Variants in SEPTIN10 observed in about 807,000 individuals in gnomAD.
SEPTIN10 encodes the protein septin-10.
In SEPTIN10, 66 loss-of-function variants were observed where a neutral mutation model predicts 54.8. The ratio of observed to expected loss-of-function variants is 1.21; its 90% CI spans 0.99 to 1.48. The LOEUF is 1.48. SEPTIN10 is among the 40% of genes most tolerant of loss of function. SEPTIN10 has a pLI of 0.00. For missense variants in SEPTIN10, 620 were observed against 545.6 expected (o/e 1.14, Z -1.36); for synonymous variants, 161 against 181.0 (o/e 0.89, Z 0.89).
chr2:109,572,471 T>C (rs1186631458), intron 5 of SEPTIN10, among the ~76,000 whole-genome samples: 1 of 151,950 alleles, frequency 6.6e-6, no homozygotes, highest in Admixed American at 6.6e-5. Context: ...GAATCCAAGT[T>C]TGTCCAGGGC....
intron 4 of SEPTIN10, among the ~76,000 whole-genome samples, chr2:109,575,979 AG>A (rs926047898): frequency 1.2e-4 from 19 of 152,198 alleles, no homozygotes; most frequent in Admixed American, 3.9e-4. Flanking sequence ...AGCATAGGCC[AG>A]GCTCAGTGGC....
At chr2:109,548,954 A>C (rs1682114946) in intron 9 of SEPTIN10, among the ~76,000 whole-genome samples, 1 of 152,194 alleles carries the variant, frequency 6.6e-6, no homozygotes, top group South Asian at 2.1e-4. Context: ...AAGTATTCCA[A>C]GGGAAACAAG....
In SEPTIN10 at chr2:109,598,532, A is replaced by G. The variant is rs372378274; in HGVS notation, c.31-5413T>C. On this transcript the variant is annotated intron_variant, in intron 1 of 10. Coordinates refer to ENST00000397712, the MANE Select transcript of SEPTIN10 (RefSeq NM_144710.5). Reference sequence around the variant, plus strand: ...CGAGAGCGAGAGAGAACAAAAAGCAAAAAGTGGCCTAAATAATTATCATCG... The same window carrying G: ...CGAGAGCGAGAGAGAACAAAAAGCAGAAAGTGGCCTAAATAATTATCATCG... Among the ~76,000 whole-genome samples the G allele has an allele frequency of 1.2e-4, 18 of 152,266 alleles. No individual in the cohort carries two copies. The East Asian group carries it at 3.5e-3, about 29-fold the overall frequency.
At chr2:109,580,582 CA>C (rs780896574) in intron 4 of SEPTIN10, among the ~76,000 whole-genome samples, 4 of 152,034 alleles carry the variant, frequency 2.6e-5, no homozygotes, top group Non-Finnish European at 4.4e-5. Context: ...GACTATCCTA[CA>C]AAATACTGCA....
chr2:109,606,366 C>T lies in SEPTIN10; in HGVS notation c.30+7432G>A, dbSNP rs540648391. On this transcript the variant is annotated intron_variant, in intron 1 of 10. Coordinates refer to ENST00000397712, the MANE Select transcript of SEPTIN10 (RefSeq NM_144710.5). ...GGAGGCAGAGGTTGCAGTGAGCCAA[C>T]ACTGCACCACTGCATTCCAGTCTGG... 3.3e-5 allele frequency among the ~76,000 whole-genome samples: 5 copies of T among 152,254 alleles called. No individual in the cohort carries two copies. The East Asian group carries it at 9.7e-4, about 29-fold the overall frequency.
intron 8 of SEPTIN10, among the ~76,000 whole-genome samples, chr2:109,561,535 T>C (rs555784452): frequency 1.3e-5 from 2 of 152,342 alleles, no homozygotes; most frequent in South Asian, 4.1e-4. Context: ...CCCAGTATTA[T>C]TCACTGCTGA....
At chr2:109,555,673 C>A (rs1276833209) in intron 8 of SEPTIN10, among the ~76,000 whole-genome samples, 1 of 152,188 alleles carries the variant, frequency 6.6e-6, no homozygotes, top group African/African-American at 2.4e-5. Flanking sequence ...ACATCTGAAG[C>A]CTGTTAGCAA....
At chr2:109,596,444 C>T (rs975616445) in intron 1 of SEPTIN10, among the ~76,000 whole-genome samples, 23 of 151,936 alleles carry the variant, frequency 1.5e-4, no homozygotes, top group African/African-American at 1.2e-4. Flanking sequence ...AGTGAAACCC[C>T]GTCTCTACTA....
Position 109,585,300 on chromosome 2 carries a change from G to A in SEPTIN10, c.239C>T (p.Ser80Leu), listed in dbSNP as rs777555335. The change falls in exon 4 of 11, where the codon TCA (serine) becomes TTA (leucine). Residue 80 changes from serine to leucine, a missense_variant. Physicochemically the swap from Ser to Leu is moderately radical, Grantham distance 145 (BLOSUM62 -2). Transcript: ENST00000397712. Reference protein sequence around the residue: ...LCVGETGIGKSTLIDTLFNTN... With the variant: ...LCVGETGIGKLTLIDTLFNTN... ...ATTAAACAATGTGTCAATCAGTGTT[G>A]ATTTTCCAATTCCAGTTTCCCCTGA... The A allele has an allele frequency of 4.4e-6, 7 of 1,602,344 alleles. No individual in the cohort carries two copies. The highest frequency in any genetic ancestry group is 6.0e-6 in the Non-Finnish European group (7 of 1,175,606).
At chr2:109,613,024 T>C in intron 1 of SEPTIN10, 2 of 516,932 alleles carry the variant, frequency 3.9e-6, no homozygotes, top group East Asian at 6.8e-5. Flanking sequence ...AAACCACCAA[T>C]GTTTACTATC....
intron 8 of SEPTIN10, among the ~76,000 whole-genome samples, chr2:109,554,318 A>G (rs1683833492): frequency 6.6e-6 from 1 of 152,162 alleles, no homozygotes; most frequent in Non-Finnish European, 1.5e-5. Context: ...TTCACACCGC[A>G]TTGCTTATTG....
intron 8 of SEPTIN10, among the ~76,000 whole-genome samples, chr2:109,556,341 A>G (rs1684363459): frequency 6.6e-6 from 1 of 152,244 alleles, no homozygotes; most frequent in African/African-American, 2.4e-5. Flanking sequence ...TTATAAAAAT[A>G]AATCAATTTC....
chr2:109,608,431 T>G, intron 1 of SEPTIN10, among the ~76,000 whole-genome samples: 1 of 152,216 alleles, frequency 6.6e-6, no homozygotes, highest in East Asian at 1.9e-4. Context: ...CAGGATAAAC[T>G]TGATCTGATT....
chr2:109,603,519 G>A (rs1020375246), intron 1 of SEPTIN10, among the ~76,000 whole-genome samples: 3 of 151,994 alleles, frequency 2.0e-5, no homozygotes, highest in South Asian at 2.1e-4. Flanking sequence ...GATTACAGGC[G>A]TGCACCACCG....
chr2:109,612,986 T>A (rs1213123849), intron 1 of SEPTIN10: 1 of 450,830 alleles, frequency 2.2e-6, no homozygotes, highest in East Asian at 7.1e-5. Context: ...GTCTCCAGCC[T>A]CCAAAGAGCT....
intron 9 of SEPTIN10, among the ~76,000 whole-genome samples, chr2:109,547,378 T>C (rs1681547151): frequency 6.6e-6 from 1 of 151,770 alleles, no homozygotes. Context: ...TGTTTTTTTT[T>C]TTTTTTTTTG....
chr2:109,564,535 C>T lies in SEPTIN10; in HGVS notation c.860-1G>A. ...AAGTCACAGTGGTTTTCATTTTCCA[C>T]TAGCCAAAAAAAAATAAGAAAAGAA... is the stretch of plus-strand genomic sequence containing the variant. On this transcript the variant is annotated splice_acceptor_variant, in intron 7 of 10. Transcript: ENST00000397712. LOFTEE classifies it high-confidence loss of function. 2 of 1,493,702 alleles carry T rather than the reference C, an allele frequency of 1.3e-6. No individual in the cohort carries two copies. Among genetic ancestry groups the T allele is most frequent in the Non-Finnish European group, 1.8e-6 (2 of 1,112,454 alleles). 92.5% of individuals were successfully genotyped at this position (1,493,702 alleles called of 1,614,324 possible).
rs199690667 is a variant in SEPTIN10 at position 109,574,684 on chromosome 2, G to A, written c.497C>T (p.Thr166Ile). The change falls in exon 5 of 11, where the codon ACC becomes ATC. Residue 166 changes from threonine to isoleucine, a missense_variant. Coordinates refer to ENST00000397712, the MANE Select transcript of SEPTIN10 (RefSeq NM_144710.5). ...EELKIKRSLF[T>I]YHDSRIHVCL... The stretch of plus-strand genomic sequence containing the variant: ...CACATGGATGCGAGAATCATGGTAG[G>A]TAAAGAGAGAACGCTTAATCTTCAG... The A allele has an allele frequency of 1.8e-3, 2,826 of 1,610,326 alleles. 4 individuals are homozygous for A. The highest frequency in any genetic ancestry group is 2.1e-3 in the Non-Finnish European group (2,490 of 1,178,210).
intron 4 of SEPTIN10, among the ~76,000 whole-genome samples, chr2:109,579,697 A>C (rs1690637016): frequency 6.6e-6 from 1 of 151,562 alleles, no homozygotes; most frequent in South Asian, 2.1e-4. Context: ...CCTGATTTTC[A>C]TTGGTTAGTT....
Sources: gnomAD v4.1 joint callset for allele counts (sites outside exome capture counted in the v4.1 genomes callset) on GRCh38, gnomAD v4.1.1 for gene constraint, MANE v1.5 for transcripts, NCBI Gene and HGNC (gene_info 2026-07-23, HGNC 2026-07-21) for gene names.